Variants in EGR2 observed in about 807,000 individuals in gnomAD.
EGR2 encodes early growth response 2, also known as E3 SUMO-protein ligase EGR2.
EGR2 carries 2 observed loss-of-function variants against 21.2 expected under a neutral mutation model. The ratio of observed to expected loss-of-function variants is 0.09; its 90% CI spans 0.04 to 0.30. The LOEUF is 0.30. Ranked by LOEUF, EGR2 falls within the 10% of genes least tolerant of loss-of-function variation. The pLI is 1.00. For synonymous variants in EGR2, 282 were observed against 258.2 expected (o/e 1.09, Z -0.88); for missense variants, 458 against 630.2 (o/e 0.73, Z 2.93).
rs1440849322 is a variant in EGR2 at position 62,812,131 on chromosome 10, T to C, written c.*1076A>G. The C allele has an allele frequency of 6.5e-6, 1 of 152,806 alleles. No individual in the cohort carries two copies. The highest frequency in any genetic ancestry group is 1.5e-5 in the Non-Finnish European group (1 of 68,044). The allele number at this position is 152,806 out of a possible 1,614,324, so 9.5% of individuals were successfully genotyped here. A position where few individuals can be genotyped will look rare whatever the true frequency, so the allele number is the denominator to read the frequency against. ...TAATGACCAAACAAATCAGCTCCGG[T>C]AACATTATGTACATTCTTATCTGAA... On this transcript the variant is annotated 3_prime_UTR_variant, in exon 2 of 2. Coordinates refer to ENST00000242480, the MANE Select transcript of EGR2 (RefSeq NM_000399.5).
At position 62,812,302 on chromosome 10, in the gene EGR2, C is replaced by G. The variant is rs1842127719; in HGVS notation, c.*905G>C. Reference sequence around the variant, plus strand: ...ATTTTTTTTCTCCATAATAAGGCAACCCATTTACATGCAGACCTTGTAACA... The same window carrying G: ...ATTTTTTTTCTCCATAATAAGGCAAGCCATTTACATGCAGACCTTGTAACA... On this transcript the variant is annotated 3_prime_UTR_variant, in exon 2 of 2. Transcript: ENST00000242480. The G allele has an allele frequency of 6.5e-6, 1 of 152,720 alleles. No homozygotes were observed. Among genetic ancestry groups the G allele is most frequent in the East Asian group, 1.9e-4 (1 of 5,338 alleles). The allele number at this position is 152,720 out of a possible 1,614,324, so 9.5% of individuals were successfully genotyped here. A position where few individuals can be genotyped will look rare whatever the true frequency, so the allele number is the denominator to read the frequency against.
At position 62,815,843 on chromosome 10, in the gene EGR2, C is replaced by A; in HGVS notation, c.169+18G>T. 2 of 1,613,762 alleles carry A rather than the reference C, an allele frequency of 1.2e-6. No homozygotes were observed. Among genetic ancestry groups the A allele is most frequent in the African/African-American group, 1.3e-5 (1 of 75,054 alleles). ...TCCGGGCCGCGCAGGTCCGGGCCTG[C>A]GAAGACACGCGGCTTACCTCCGGCC... On this transcript the variant is annotated intron_variant, in intron 1 of 1. Coordinates refer to ENST00000242480, the MANE Select transcript of EGR2 (RefSeq NM_000399.5).
rs761429712 is a variant in EGR2 at position 62,814,089 on chromosome 10, C to G, written c.549G>C (p.Gln183His). The change falls in exon 2 of 2, where the codon CAG becomes CAC. Residue 183 changes from glutamine to histidine, a missense_variant. By Grantham distance (24) the Gln-to-His change is conservative (BLOSUM62 0). Around this residue, in one of 5 missense-constraint regions of EGR2, gnomAD observed 253 missense variants for 315.5 expected, o/e 0.80. Coordinates refer to ENST00000242480, the MANE Select transcript of EGR2 (RefSeq NM_000399.5). This position sits in a 1 kb window ranked among gnomAD's most constrained non-coding sequence, Gnocchi z 4.8. ...PYSGCAGDLY[Q>H]DPSAFLSAAT... is the part of the protein sequence containing the mutation. ...CTGCTGACAGGAACGCAGAAGGGTC[C>G]TGGTAGAGGTCTCCTGCACAGCCAG... The G allele has an allele frequency of 1.2e-6, 2 of 1,613,766 alleles. No individual in the cohort carries two copies. The highest frequency in any genetic ancestry group is 1.7e-6 in the Non-Finnish European group (2 of 1,179,944).
chr10:62,818,393 C>T, upstream of EGR2: 1 of 261,862 alleles, frequency 3.8e-6, no homozygotes, highest in Non-Finnish European at 6.6e-6. Flanking sequence ...GCGCTTTTTT[C>T]CAATTGGGGA....
chr10:62,816,284 G>T lies in EGR2; in HGVS notation c.-255C>A. On this transcript the variant is annotated 5_prime_UTR_variant, in exon 1 of 2. Coordinates refer to ENST00000242480, the MANE Select transcript of EGR2 (RefSeq NM_000399.5). ...CTGTCTGTGTTCCGGCTGCTGGGAA[G>T]CCAGGAGTTGCTGGTGTAGTGTTAT... The T allele has an allele frequency of 7.4e-7, 1 of 1,353,218 alleles. No homozygotes were observed. 83.8% of individuals were successfully genotyped at this position (1,353,218 alleles called of 1,614,324 possible). A position where few individuals can be genotyped will look rare whatever the true frequency, so the allele number is the denominator to read the frequency against.
upstream of EGR2, among the ~76,000 whole-genome samples, chr10:62,817,010 G>A (rs1328106481): frequency 6.6e-6 from 1 of 152,188 alleles, no homozygotes; most frequent in Non-Finnish European, 1.5e-5. This position sits in a 1 kb window ranked among gnomAD's most constrained non-coding sequence, Gnocchi z 4.4. Flanking sequence ...TGGAAAGTCT[G>A]TTCTATTTAT....
At chr10:62,815,485 G>T (rs2297488) in intron 1 of EGR2, among the ~76,000 whole-genome samples, 2 of 152,136 alleles carry the variant, frequency 1.3e-5, no homozygotes, top group Admixed American at 6.5e-5. Context: ...AGCTCTCCCC[G>T]AGAGCCCCGA....
At chr10:62,817,481 T>C (rs1838279758), upstream of EGR2, among the ~76,000 whole-genome samples, 1 of 152,098 alleles carries the variant, frequency 6.6e-6, no homozygotes, top group South Asian at 2.1e-4. This position sits in a 1 kb window ranked among gnomAD's most constrained non-coding sequence, Gnocchi z 4.4. Context: ...GGAGGTTCTA[T>C]GAAGACACTG....
chr10:62,818,919 G>T (rs1010286230), upstream of EGR2, among the ~76,000 whole-genome samples: 5 of 152,190 alleles, frequency 3.3e-5, no homozygotes, highest in Non-Finnish European at 5.9e-5. Flanking sequence ...ACGCCCGAGT[G>T]CCCGGCCAGC....
Position 62,813,768 on chromosome 10 carries a change from C to T in EGR2, c.870G>A (p.Glu290=), listed in dbSNP as rs532829227. ...AGCTGCTACCAGGCAGCCGGGGTCC[C>T]TCGCTGCCTCCACTGGCCCCTGGTC... ...VTGPGASGGS[E]GPRLPGSSSA... The change falls in exon 2 of 2, where the codon GAG becomes GAA. Residue 290 remains glutamate (E), a synonymous_variant. Transcript: ENST00000242480. This position sits in a 1 kb window ranked among gnomAD's most constrained non-coding sequence, Gnocchi z 5.7. The T allele has an allele frequency of 1.3e-5, 21 of 1,612,502 alleles. No homozygotes were observed. The South Asian group carries it at 2.2e-4, about 17-fold the overall frequency.
At chr10:62,817,385 C>G (rs569173178), upstream of EGR2, among the ~76,000 whole-genome samples, 253 of 152,312 alleles carry the variant, frequency 1.7e-3, no homozygotes, top group African/African-American at 5.7e-3. This position sits in a 1 kb window ranked among gnomAD's most constrained non-coding sequence, Gnocchi z 4.4. Flanking sequence ...ACACCTTACA[C>G]TACACACCTC....
chr10:62,814,583 G>T lies in EGR2; in HGVS notation c.170-115C>A. 1 of 1,073,896 alleles carries T rather than the reference G, an allele frequency of 9.3e-7. No homozygotes were observed. Among genetic ancestry groups the T allele is most frequent in the Non-Finnish European group, 1.4e-6 (1 of 711,088 alleles). 66.5% of individuals were successfully genotyped at this position (1,073,896 alleles called of 1,614,324 possible). On this transcript the variant is annotated intron_variant, in intron 1 of 1. Transcript: ENST00000242480. The surrounding 1 kb of genome is among the most constrained non-coding windows in gnomAD (Gnocchi z 4.8). Reference sequence around the variant, plus strand: ...AGGCCGAGAGTCTCAGCACTGTAGAGCTGTGGCAAAGTCCAAAAGGTGGGG... The same window carrying T: ...AGGCCGAGAGTCTCAGCACTGTAGATCTGTGGCAAAGTCCAAAAGGTGGGG...
Position 62,815,951 on chromosome 10 carries a change from G to A in EGR2, c.79C>T (p.Pro27Ser), listed in dbSNP as rs1191305771. Residue 27 changes from proline to serine, a missense_variant, in exon 1 of 2, where the codon CCG (proline) becomes TCG (serine). Pro to Ser is a moderately conservative substitution (Grantham distance 74). Coordinates refer to ENST00000242480, the MANE Select transcript of EGR2 (RefSeq NM_000399.5). ...FVHQLSDNIY[P>S]VEDLAATSVT... Reference sequence around the variant, plus strand: ...GACGTGGCGGCGAGGTCCTCCACCGGGTAGATGTTGTCAGACAGCTGGTGC... The same window carrying A: ...GACGTGGCGGCGAGGTCCTCCACCGAGTAGATGTTGTCAGACAGCTGGTGC... 1.2e-6 allele frequency: 2 copies of A among 1,614,072 alleles called. No individual in the cohort carries two copies. The highest frequency in any genetic ancestry group is 1.7e-5 in the Admixed American group (1 of 60,010).
Position 62,814,940 on chromosome 10 carries a change from G to A in EGR2, c.170-472C>T, listed in dbSNP as rs1482700434. On this transcript the variant is annotated intron_variant, in intron 1 of 1. Transcript: ENST00000242480. This position sits in a 1 kb window ranked among gnomAD's most constrained non-coding sequence, Gnocchi z 4.8. Reference sequence around the variant, plus strand: ...ACCGAGAGGAGAGCCCGAGAAGGGGGTGGGTGATTTCCCGGCTGCTCCCCA... The same window carrying A: ...ACCGAGAGGAGAGCCCGAGAAGGGGATGGGTGATTTCCCGGCTGCTCCCCA... Among the ~76,000 whole-genome samples, 1 of 152,224 alleles carries A rather than the reference G, an allele frequency of 6.6e-6. No homozygotes were observed. Among genetic ancestry groups the A allele is most frequent in the African/African-American group, 2.4e-5 (1 of 41,456 alleles).
upstream of EGR2, chr10:62,816,371 G>C: frequency 2.5e-6 from 3 of 1,217,764 alleles, no homozygotes; most frequent in Non-Finnish European, 3.1e-6. Flanking sequence ...TCAGTTAGAC[G>C]GAAAGTGTTG....
upstream of EGR2, among the ~76,000 whole-genome samples, chr10:62,818,824 C>A (rs2132718771): frequency 6.6e-6 from 1 of 152,228 alleles, no homozygotes; most frequent in Non-Finnish European, 1.5e-5. Context: ...GGCAGGCGGG[C>A]GAGTTGCCCG....
chr10:62,814,454 T>A lies in EGR2; in HGVS notation c.184A>T (p.Ile62Phe), dbSNP rs140201739. The A allele has an allele frequency of 6.2e-7, 1 of 1,613,928 alleles. No homozygotes were observed. Among genetic ancestry groups the A allele is most frequent in the East Asian group, 2.2e-5 (1 of 44,894 alleles). Reference sequence around the variant, plus strand: ...GACCTCTTCTCTCCAGTCATGTCAATGTTGATCATGCCATCTGGGGAGGGG... The same window carrying A: ...GACCTCTTCTCTCCAGTCATGTCAAAGTTGATCATGCCATCTGGGGAGGGG... ...NGVAGDGMIN[I>F]DMTGEKRSLD... Residue 62 changes from isoleucine (I) to phenylalanine (F), a missense_variant, in exon 2 of 2, where the codon ATT becomes TTT. Ile to Phe is a conservative substitution (Grantham distance 21, BLOSUM62 0). Transcript: ENST00000242480. The surrounding 1 kb of genome is among the most constrained non-coding windows in gnomAD (Gnocchi z 4.8).
At position 62,813,955 on chromosome 10, in the gene EGR2, C is replaced by G. The variant is rs1842191859; in HGVS notation, c.683G>C (p.Gly228Ala). 1 of 1,614,144 alleles carries G rather than the reference C, an allele frequency of 6.2e-7. No homozygotes were observed. The highest frequency in any genetic ancestry group is 2.2e-5 in the East Asian group (1 of 44,880). The change falls in exon 2 of 2, where the codon GGA (glycine) becomes GCA (alanine). Residue 228 changes from glycine (G) to alanine (A), a missense_variant. Physicochemically the swap from Gly to Ala is moderately conservative, Grantham distance 60. Coordinates refer to ENST00000242480, the MANE Select transcript of EGR2 (RefSeq NM_000399.5). This position sits in a 1 kb window ranked among gnomAD's most constrained non-coding sequence, Gnocchi z 5.7. The stretch of plus-strand genomic sequence containing the variant: ...TCTCTGGCACTGAGATGGAAAGAAT[C>G]CAGGATAGTCTGGGATCATTGGGAA... The part of the protein sequence containing the change: ...GLFPMIPDYP[G>A]FFPSQCQRDL...
intron 1 of EGR2, 143 bp downstream of exon 1, chr10:62,815,718 C>G: frequency 9.0e-7 from 1 of 1,108,670 alleles, no homozygotes. Context: ...CCTCCTGCAC[C>G]CACTTCCAGT....
Sources: allele counts gnomAD v4.1 joint callset (sites outside exome capture counted in the v4.1 genomes callset), GRCh38; gene constraint gnomAD v4.1.1; regional missense constraint gnomAD v4.1.1; non-coding constraint Gnocchi (gnomAD v3.1); transcripts MANE v1.5; gene names NCBI Gene and HGNC (gene_info 2026-07-23, HGNC 2026-07-21).